The following RIN3 variants were observed in gnomAD, a reference collection of about 807,000 sequenced individuals.
RIN3 encodes RAB5 interacting protein 3.
RIN3 carries 54 observed loss-of-function variants against 76.3 expected under a neutral mutation model. The observed-to-expected ratio is 0.71, with a 90% CI of 0.57 to 0.89. The LOEUF is 0.89. Ranked by LOEUF, RIN3 falls within the 40% of genes least tolerant of loss-of-function variation. The probability of loss-of-function intolerance (pLI) is 0.00; values close to 1 mark genes in which losing one functional copy is unlikely to be tolerated. For synonymous variants in RIN3, 576 were observed against 564.0 expected (o/e 1.02, Z -0.30); for missense variants, 1,256 against 1,322.1 (o/e 0.95, Z 0.78).
At position 92,562,230 on chromosome 14, in the gene RIN3, A is replaced by C. The variant is rs373077865; in HGVS notation, c.249+6275A>C. 2.0e-4 allele frequency among the ~76,000 whole-genome samples: 30 copies of C among 152,326 alleles called. No homozygotes were observed. In the East Asian group the frequency reaches 5.2e-3, roughly 26 times the overall value. ...AAGACCACACTGGTAAAATAATCTA[A>C]TCACATCATATGAAGGCAACAGACT... On this transcript the variant is annotated intron_variant, in intron 2 of 9. Coordinates refer to ENST00000216487, the MANE Select transcript of RIN3 (RefSeq NM_024832.5).
At chr14:92,549,986 C>T (rs928757479) in intron 1 of RIN3, among the ~76,000 whole-genome samples, 1 of 152,124 alleles carries the variant, frequency 6.6e-6, no homozygotes, top group African/African-American at 2.4e-5. Context: ...AGAGGGAGGG[C>T]GTGGGTGTCA....
intron 4 of RIN3, among the ~76,000 whole-genome samples, chr14:92,620,430 A>T (rs1188364380): frequency 6.6e-6 from 1 of 152,236 alleles, no homozygotes; most frequent in African/African-American, 2.4e-5. Context: ...GGAAGCCTAA[A>T]ATCCAAAAAG....
At chr14:92,533,777 C>T (rs1896935157) in intron 1 of RIN3, among the ~76,000 whole-genome samples, 1 of 152,156 alleles carries the variant, frequency 6.6e-6, no homozygotes, top group African/African-American at 2.4e-5. Context: ...GTATACTGCT[C>T]AGGTGATGGG....
chr14:92,682,960 G>A (rs1387841133), intron 8 of RIN3, among the ~76,000 whole-genome samples: 12 of 152,164 alleles, frequency 7.9e-5, no homozygotes, highest in African/African-American at 2.9e-4. Context: ...GAGCTCAGGA[G>A]TTCGAGACCA....
Position 92,638,024 on chromosome 14 carries a change from A to G in RIN3, c.441-3214A>G, listed in dbSNP as rs192289390. ...ATCACTTAAAGCCTCCAAAACACCTAGCCCCACACCTGACACATAGTAGAT... is the reference window on the plus strand; with the variant it reads ...ATCACTTAAAGCCTCCAAAACACCTGGCCCCACACCTGACACATAGTAGAT... On this transcript the variant is annotated intron_variant, in intron 4 of 9. Transcript: ENST00000216487. 2.0e-5 allele frequency among the ~76,000 whole-genome samples: 3 copies of G among 152,066 alleles called. No homozygotes were observed. In the East Asian group the frequency reaches 5.8e-4, roughly 29 times the overall value.
At position 92,560,301 on chromosome 14, in the gene RIN3, C is replaced by T. The variant is rs142554821; in HGVS notation, c.249+4346C>T. Among the ~76,000 whole-genome samples, 700 of 152,254 alleles carry T rather than the reference C, an allele frequency of 4.6e-3. 7 individuals carry two copies. Among genetic ancestry groups the T allele is most frequent in the African/African-American group, 0.016 (678 of 41,532 alleles). ...CCTTCCCACTGCCACCCACTCACCA[C>T]CCCCTTCTGAGGGCGTAGCAGCTGG... On this transcript the variant is annotated intron_variant, in intron 2 of 9. Coordinates refer to ENST00000216487, the MANE Select transcript of RIN3 (RefSeq NM_024832.5).
intron 2 of RIN3, among the ~76,000 whole-genome samples, chr14:92,567,645 T>G (rs1897951571): frequency 1.5e-5 from 2 of 131,732 alleles, no homozygotes; most frequent in African/African-American, 2.8e-5. Context: ...TTTTTTTTGG[T>G]CAATGCCAGT....
chr14:92,678,936 A>G (rs2140172641), intron 8 of RIN3, among the ~76,000 whole-genome samples: 1 of 152,284 alleles, frequency 6.6e-6, no homozygotes, highest in East Asian at 1.9e-4. Context: ...CTGAGCAGGA[A>G]AAGGGCAGGG....
At chr14:92,562,781 TC>T (rs928351960) in intron 2 of RIN3, among the ~76,000 whole-genome samples, 8 of 152,330 alleles carry the variant, frequency 5.3e-5, no homozygotes, top group Non-Finnish European at 8.8e-5. Context: ...CAGCCATTTC[TC>T]CAAGAAGCCG....
At chr14:92,570,106 C>T (rs570454927) in intron 2 of RIN3, among the ~76,000 whole-genome samples, 2 of 152,230 alleles carry the variant, frequency 1.3e-5, no homozygotes, top group Non-Finnish European at 2.9e-5. Context: ...GTCCCCTGCA[C>T]GTGCAACACA....
intron 1 of RIN3, among the ~76,000 whole-genome samples, chr14:92,552,358 G>A (rs1897450972): frequency 6.6e-6 from 1 of 152,156 alleles, no homozygotes; most frequent in Admixed American, 6.5e-5. Flanking sequence ...ACCCTCCTGG[G>A]CCCTGAGACC....
intron 7 of RIN3, among the ~76,000 whole-genome samples, chr14:92,670,174 A>C (rs1888241445): frequency 6.6e-6 from 1 of 151,912 alleles, no homozygotes; most frequent in Admixed American, 6.6e-5. Flanking sequence ...TCTTCAGCTC[A>C]TTTTGATCTT....
chr14:92,600,587 G>C (rs1344760772), intron 3 of RIN3, among the ~76,000 whole-genome samples: 4 of 152,194 alleles, frequency 2.6e-5, no homozygotes, highest in Non-Finnish European at 5.9e-5. Flanking sequence ...ATTCCTCTGA[G>C]ACTGAGTCAT....
intron 3 of RIN3, among the ~76,000 whole-genome samples, chr14:92,599,980 C>G (rs1357657937): frequency 6.6e-6 from 1 of 152,174 alleles, no homozygotes; most frequent in African/African-American, 2.4e-5. Context: ...TGAGAGACTT[C>G]TCTTTGCAGC....
chr14:92,519,667 C>T (rs1454849000), intron 1 of RIN3, among the ~76,000 whole-genome samples: 2 of 152,218 alleles, frequency 1.3e-5, no homozygotes, highest in South Asian at 4.1e-4. Context: ...TGCCAGGCCT[C>T]GGTCTCCCTG....
intron 2 of RIN3, among the ~76,000 whole-genome samples, chr14:92,561,113 ATATATTTATATATATT>A (rs1287209232): frequency 8.7e-6 from 1 of 114,338 alleles, no homozygotes; most frequent in African/African-American, 3.2e-5. Context: ...CCATATTTAT[ATATATTTATATATATT>A]TATATTTATA....
chr14:92,629,595 G>A (rs1346850994), intron 4 of RIN3, among the ~76,000 whole-genome samples: 3 of 152,210 alleles, frequency 2.0e-5, no homozygotes, highest in Non-Finnish European at 2.9e-5. Context: ...CTGGCCTTAC[G>A]TTCCCTGCCT....
chr14:92,522,050 T>A (rs952942792), intron 1 of RIN3, among the ~76,000 whole-genome samples: 12 of 152,238 alleles, frequency 7.9e-5, no homozygotes, highest in Middle Eastern at 3.4e-3. Flanking sequence ...GAGAGAAGAT[T>A]CCATGTGTGA....
chr14:92,589,599 T>A (rs1884907212), intron 3 of RIN3, among the ~76,000 whole-genome samples: 1 of 152,144 alleles, frequency 6.6e-6, no homozygotes, highest in Non-Finnish European at 1.5e-5. Flanking sequence ...ATCTTAACAA[T>A]GCCACTCAAA....
Sources: gnomAD v4.1 joint callset for allele counts (sites outside exome capture counted in the v4.1 genomes callset) on GRCh38, gnomAD v4.1.1 for gene constraint, MANE v1.5 for transcripts, NCBI Gene and HGNC (gene_info 2026-07-23, HGNC 2026-07-21) for gene names.